TRAT1: variants seen among roughly 807,000 people sequenced by gnomAD.
TRAT1 encodes the protein T cell receptor associated transmembrane adaptor 1.
In TRAT1, 20 loss-of-function variants were observed where a neutral mutation model predicts 20.0. The ratio of observed to expected loss-of-function variants is 1.00; its 90% CI spans 0.70 to 1.45. The LOEUF is 1.45. Ranked by LOEUF, TRAT1 falls within the 40% of genes most tolerant of loss-of-function variation. The pLI is 0.00. For synonymous variants in TRAT1, 77 were observed against 74.2 expected (o/e 1.04, Z -0.20); for missense variants, 237 against 224.1 (o/e 1.06, Z -0.37).
chr3:108,841,435 C>T (rs944066799), intron 3 of TRAT1, among the ~76,000 whole-genome samples: 3 of 151,868 alleles, frequency 2.0e-5, no homozygotes, highest in African/African-American at 4.8e-5. Context: ...AACCAGTAAG[C>T]GAACTAAAAA....
chr3:108,852,647 G>A (rs1048308292), intron 5 of TRAT1, among the ~76,000 whole-genome samples: 2 of 152,142 alleles, frequency 1.3e-5, no homozygotes, highest in South Asian at 2.1e-4. Flanking sequence ...TTCAATGGCT[G>A]TCTTAAAGTT....
Position 108,836,694 on chromosome 3 carries a change from C to G in TRAT1, c.119-2240C>G. On this transcript the variant is annotated intron_variant, in intron 2 of 5. Coordinates refer to ENST00000295756, the MANE Select transcript of TRAT1 (RefSeq NM_016388.4). ...ACTTTGTCATTAAAAAATGTTTTTACAGAAAATATTTCATTTACCTCTGAC... is the reference window on the plus strand; with the variant it reads ...ACTTTGTCATTAAAAAATGTTTTTAGAGAAAATATTTCATTTACCTCTGAC... Among the ~76,000 whole-genome samples, 2 of 152,118 alleles carry G rather than the reference C, an allele frequency of 1.3e-5. 1 individual carries two copies. Among genetic ancestry groups the G allele is most frequent in the Non-Finnish European group, 2.9e-5 (2 of 68,010 alleles).
intron 2 of TRAT1, among the ~76,000 whole-genome samples, chr3:108,835,521 C>T (rs543605173): frequency 3.5e-4 from 53 of 152,276 alleles, no homozygotes; most frequent in African/African-American, 1.2e-3. Context: ...AACCTCTGAA[C>T]TTCTCACTAC....
chr3:108,838,374 A>G (rs1420103673), intron 2 of TRAT1, among the ~76,000 whole-genome samples: 11 of 151,256 alleles, frequency 7.3e-5, no homozygotes, highest in Admixed American at 5.3e-4. Flanking sequence ...AGATAGATAG[A>G]TAGATAGATA....
intron 2 of TRAT1, among the ~76,000 whole-genome samples, chr3:108,837,732 A>G (rs1179121988): frequency 6.6e-6 from 1 of 152,172 alleles, no homozygotes; most frequent in African/African-American, 2.4e-5. Flanking sequence ...AGGTTGAAAA[A>G]TAAGCCATTC....
intron 2 of TRAT1, among the ~76,000 whole-genome samples, chr3:108,835,055 A>C (rs1407040531): frequency 6.6e-6 from 1 of 152,112 alleles, no homozygotes; most frequent in African/African-American, 2.4e-5. Flanking sequence ...AAGAAGGATA[A>C]ACAAGCGTAT....
intron 2 of TRAT1, among the ~76,000 whole-genome samples, chr3:108,838,720 T>C (rs377556704): frequency 1.3e-5 from 2 of 152,308 alleles, no homozygotes; most frequent in East Asian, 3.9e-4. Flanking sequence ...CTTCAAGTCA[T>C]ATAAATCTTT....
chr3:108,844,933 TA>T (rs1189535582), intron 3 of TRAT1, among the ~76,000 whole-genome samples: 1 of 150,882 alleles, frequency 6.6e-6, no homozygotes, highest in African/African-American at 2.5e-5. Flanking sequence ...ATAATTAATA[TA>T]TTTTTCTTAA....
chr3:108,832,283 C>A (rs921972411), intron 2 of TRAT1, among the ~76,000 whole-genome samples: 1 of 152,136 alleles, frequency 6.6e-6, no homozygotes. Context: ...TGTCCTCAGC[C>A]AGAAACCCAA....
intron 1 of TRAT1, among the ~76,000 whole-genome samples, chr3:108,828,296 A>T (rs1405751203): frequency 6.6e-6 from 1 of 152,164 alleles, no homozygotes; most frequent in African/African-American, 2.4e-5. Context: ...CATGAGTGCT[A>T]GAGATTTATT....
rs113838943 is a variant in TRAT1, at chr3:108,836,108, T to C, written c.119-2826T>C. 5.5e-3 allele frequency among the ~76,000 whole-genome samples: 843 copies of C among 151,950 alleles called. 4 individuals are homozygous for C. Among genetic ancestry groups the C allele is most frequent in the South Asian group, 0.026 (126 of 4,810 alleles). On this transcript the variant is annotated intron_variant, in intron 2 of 5. Coordinates refer to ENST00000295756, the MANE Select transcript of TRAT1 (RefSeq NM_016388.4). ...CTAATTTTTTGTATTTTAGTAGAGA[T>C]GGGGTTTCACCATTTTGGCCAGGAT...
At chr3:108,841,528 C>T (rs1945896703) in intron 3 of TRAT1, among the ~76,000 whole-genome samples, 1 of 151,950 alleles carries the variant, frequency 6.6e-6, no homozygotes. Context: ...TTACTGATGC[C>T]TCTTCAGTTC....
intron 1 of TRAT1, among the ~76,000 whole-genome samples, chr3:108,824,703 C>T (rs976198907): frequency 1.2e-4 from 19 of 152,172 alleles, no homozygotes; most frequent in African/African-American, 4.3e-4. Flanking sequence ...AGCTGGCATA[C>T]AATTTTCATA....
intron 2 of TRAT1, among the ~76,000 whole-genome samples, chr3:108,833,237 G>T (rs186016873): frequency 1.8e-4 from 27 of 152,106 alleles, no homozygotes; most frequent in Non-Finnish European, 3.7e-4. Flanking sequence ...GGTCAACATG[G>T]AGAAACTCCA....
chr3:108,843,136 T>C (rs916019828), intron 3 of TRAT1, among the ~76,000 whole-genome samples: 1 of 152,240 alleles, frequency 6.6e-6, no homozygotes, highest in Non-Finnish European at 1.5e-5. Context: ...TTTTCCTTTG[T>C]GATTCTGCAT....
At position 108,838,942 on chromosome 3, in the gene TRAT1, T is replaced by G. The variant is rs770330919; in HGVS notation, c.127T>G (p.Tyr43Asp). ...TTTTGAATATCTTTCAGATAAAATG[T>G]ACAGCTACTCCAGTGACCACACCAG... Reference protein sequence around the residue: ...YVEKQRQDKMYSYSSDHTRVD... With the variant: ...YVEKQRQDKMDSYSSDHTRVD... The change falls in exon 3 of 6, where the codon TAC (tyrosine) becomes GAC (aspartate). Residue 43 changes from tyrosine to aspartate, a missense_variant. Physicochemically the swap from Tyr to Asp is radical, Grantham distance 160. Coordinates refer to ENST00000295756, the MANE Select transcript of TRAT1 (RefSeq NM_016388.4). 8 of 1,607,202 alleles carry G rather than the reference T, an allele frequency of 5.0e-6. No homozygotes were observed. The highest frequency in any genetic ancestry group is 6.0e-6 in the Non-Finnish European group (7 of 1,173,688).
intron 5 of TRAT1, among the ~76,000 whole-genome samples, chr3:108,852,711 A>G (rs1946008290): frequency 1.3e-5 from 2 of 152,338 alleles, no homozygotes; most frequent in Admixed American, 6.5e-5. Context: ...AACAGTAGTT[A>G]TAACTTTCAT....
At position 108,842,881 on chromosome 3, in the gene TRAT1, T is replaced by G. The variant is rs894443329; in HGVS notation, c.152+3914T>G. Reference sequence around the variant, plus strand: ...GGCACGTGAACACTAATCAACAGAATGAGAATTTAGTGTTAGATATCATGG... The same window carrying G: ...GGCACGTGAACACTAATCAACAGAAGGAGAATTTAGTGTTAGATATCATGG... On this transcript the variant is annotated intron_variant, in intron 3 of 5. Coordinates refer to ENST00000295756, the MANE Select transcript of TRAT1 (RefSeq NM_016388.4). Among the ~76,000 whole-genome samples the G allele has an allele frequency of 3.3e-5, 5 of 152,308 alleles. No homozygotes were observed. In the East Asian group the frequency reaches 5.8e-4, roughly 18 times the overall value.
chr3:108,830,584 C>A, intron 1 of TRAT1, 86 bp from the exon 2 acceptor site: 1 of 843,074 alleles, frequency 1.2e-6, no homozygotes, highest in Non-Finnish European at 2.0e-6. Context: ...TGAATAAATG[C>A]AACAGCTTTA....
Sources: gnomAD v4.1 joint callset for allele counts (sites outside exome capture counted in the v4.1 genomes callset) on GRCh38, gnomAD v4.1.1 for gene constraint, MANE v1.5 for transcripts, NCBI Gene and HGNC (gene_info 2026-07-23, HGNC 2026-07-21) for gene names.